Variants in CPLANE1 observed in about 807,000 individuals in gnomAD.
The protein encoded by CPLANE1 is ciliogenesis and planar polarity effector 1.
A neutral mutation model predicts 362.5 loss-of-function variants in CPLANE1; 263 were observed. The observed-to-expected ratio is 0.73, with a 90% CI of 0.66 to 0.80. CPLANE1 has a LOEUF of 0.80. Among genes scored for constraint, CPLANE1 ranks in the 30% least tolerant of loss-of-function variants. The pLI is 0.00. For missense variants in CPLANE1, 3,461 were observed against 3,793.4 expected (o/e 0.91, Z 2.30); for synonymous variants, 1,212 against 1,302.6 (o/e 0.93, Z 1.50).
chr5:37,227,849 G>C, intron 9 of CPLANE1, 32 bp from the exon 10 acceptor site: 1 of 1,511,976 alleles, frequency 6.6e-7, no homozygotes, highest in South Asian at 1.3e-5. Context: ...ACAAGAATCA[G>C]TAAGAGAAAG....
chr5:37,180,736 C>T (rs1782453376), intron 27 of CPLANE1, 121 bp downstream of exon 27: 2 of 830,664 alleles, frequency 2.4e-6, no homozygotes, highest in East Asian at 2.6e-5. Context: ...TCACTGCCTG[C>T]TCCTCTACTT....
rs1470084982 is a variant in CPLANE1, at chr5:37,183,385, G to A, written c.4796C>T (p.Thr1599Ile). 5 of 1,613,018 alleles carry A rather than the reference G, an allele frequency of 3.1e-6. No individual in the cohort carries two copies. Among genetic ancestry groups the A allele is most frequent in the African/African-American group, 1.3e-5 (1 of 74,844 alleles). Reference protein sequence around the residue: ...LNSLLFDVHTTLKRHQSKTKS... With the variant: ...LNSLLFDVHTILKRHQSKTKS... ...AGTTTTGCTCTGATGTCGTTTTAAT[G>A]TTGTATGTACATCAAAAAGTAAAGA... is the stretch of plus-strand genomic sequence containing the variant. The change falls in exon 26 of 53, where the codon ACA becomes ATA. Residue 1599 changes from threonine to isoleucine, a missense_variant. Physicochemically the swap from Thr to Ile is moderately conservative, Grantham distance 89. This residue lies in a region of CPLANE1 where 3,380 missense variants were observed against 3,666.1 expected (regional missense o/e 0.92). Coordinates refer to ENST00000651892, the MANE Select transcript of CPLANE1 (RefSeq NM_001384732.1).
intron 41 of CPLANE1, 30 bp from the exon 42 acceptor site, chr5:37,154,023 T>C: frequency 6.4e-7 from 1 of 1,553,514 alleles, no homozygotes; most frequent in Non-Finnish European, 8.7e-7. Context: ...AAAGCAGAAT[T>C]GATTATAATT....
the CPLANE1 span, among the ~76,000 whole-genome samples, chr5:37,097,638 G>A: frequency 6.6e-6 from 1 of 152,202 alleles, no homozygotes; most frequent in Non-Finnish European, 1.5e-5. Context: ...TCTCATCAGA[G>A]TAACAAAGGA....
chr5:37,248,444 TG>T (rs1281469997), intron 1 of CPLANE1, among the ~76,000 whole-genome samples: 1 of 152,142 alleles, frequency 6.6e-6, no homozygotes, highest in Admixed American at 6.6e-5. Flanking sequence ...TAGATGGGCT[TG>T]TTTTTTTGTT....
At chr5:37,159,678 T>C (rs1776321986) in intron 38 of CPLANE1, among the ~76,000 whole-genome samples, 1 of 152,178 alleles carries the variant, frequency 6.6e-6, no homozygotes, top group South Asian at 2.1e-4. Flanking sequence ...ATTGAGTACT[T>C]GTTACCAAAG....
the CPLANE1 span, chr5:37,084,931 A>G: frequency 4.0e-6 from 2 of 494,502 alleles, no homozygotes; most frequent in Non-Finnish European, 3.6e-6. Flanking sequence ...TTTCATGCAA[A>G]TGGACACCAA....
At chr5:37,192,479 T>C (rs957818009) in intron 21 of CPLANE1, among the ~76,000 whole-genome samples, 1 of 152,206 alleles carries the variant, frequency 6.6e-6, no homozygotes, top group Non-Finnish European at 1.5e-5. Context: ...TCTTAGGACG[T>C]AGCCCCATCA....
chr5:37,123,590 G>C (rs1419814412), intron 47 of CPLANE1, among the ~76,000 whole-genome samples: 1 of 152,212 alleles, frequency 6.6e-6, no homozygotes, highest in Non-Finnish European at 1.5e-5. Flanking sequence ...GCCCAGGCAG[G>C]AGTGCAGGGG....
chr5:37,121,544 C>A, intron 49 of CPLANE1, 73 bp downstream of exon 49: 1 of 1,398,702 alleles, frequency 7.1e-7, no homozygotes, highest in South Asian at 1.2e-5. Context: ...GAACTTAGGT[C>A]ACGAAAGTGC....
Position 37,201,754 on chromosome 5 carries a change from A to G in CPLANE1, c.3344T>C (p.Leu1115Pro). The change falls in exon 19 of 53, where the codon CTG becomes CCG. Residue 1115 changes from leucine (L) to proline (P), a missense_variant. Transcript: ENST00000651892. Reference sequence around the variant, plus strand: ...TGCATCGGCCATAACTGATGCTTTCAGTACTTCTTGTACTGAACCAAATAG... The same window carrying G: ...TGCATCGGCCATAACTGATGCTTTCGGTACTTCTTGTACTGAACCAAATAG... ...NLLFGSVQEV[L>P]KASVMADADI... 1 of 1,614,156 alleles carries G rather than the reference A, an allele frequency of 6.2e-7. No individual in the cohort carries two copies. Among genetic ancestry groups the G allele is most frequent in the South Asian group, 1.1e-5 (1 of 91,086 alleles).
rs777476825 is a variant in CPLANE1 at position 37,175,951 on chromosome 5, G to A, written c.5936C>T (p.Thr1979Ile). The change falls in exon 31 of 53, where the codon ACT becomes ATT. Residue 1979 changes from threonine to isoleucine, a missense_variant. By Grantham distance (89) the Thr-to-Ile change is moderately conservative. This residue lies in a region of CPLANE1 where 3,380 missense variants were observed against 3,666.1 expected (regional missense o/e 0.92). Coordinates refer to ENST00000651892, the MANE Select transcript of CPLANE1 (RefSeq NM_001384732.1). ...CGTATCTACTTGCATTGATTGAGGA[G>A]TGGTATGCCCAGGATGTGAAAAGGC... ...IEAFSHPGHT[T>I]PQSMQVDTSS... 1.1e-5 allele frequency: 18 copies of A among 1,613,484 alleles called. No homozygotes were observed. The highest frequency in any genetic ancestry group is 2.2e-5 in the South Asian group (2 of 91,038).
At chr5:37,189,739 C>T (rs1784968885) in intron 21 of CPLANE1, among the ~76,000 whole-genome samples, 1 of 152,164 alleles carries the variant, frequency 6.6e-6, no homozygotes, top group Non-Finnish European at 1.5e-5. Context: ...TGGCTCATGC[C>T]TGTAATCCCA....
rs1029779545 is a variant in CPLANE1, at chr5:37,239,776, T to C, written c.771A>G (p.Leu257=). 6.5e-7 allele frequency: 1 copy of C among 1,546,614 alleles called. No individual in the cohort carries two copies. Among genetic ancestry groups the C allele is most frequent in the Non-Finnish European group, 8.7e-7 (1 of 1,144,320 alleles). The change falls in exon 7 of 53, where the codon CTA becomes CTG. Residue 257 remains leucine, a synonymous_variant. Transcript: ENST00000651892. ...GGCCATCTCTTGAAAAGGCAGAAATTAGAGCTCCTCTTGACTTTACTGATT... is the reference window on the plus strand; with the variant it reads ...GGCCATCTCTTGAAAAGGCAGAAATCAGAGCTCCTCTTGACTTTACTGATT... ...KCESVKSRGA[L]ISAFSRDGLT... is the part of the protein sequence containing the mutation.
chr5:37,078,224 G>A, the CPLANE1 span, among the ~76,000 whole-genome samples: 1 of 152,010 alleles, frequency 6.6e-6, no homozygotes, highest in Non-Finnish European at 1.5e-5. Flanking sequence ...AGGCCCCAGT[G>A]GCGTGTTGTT....
In CPLANE1 at chr5:37,173,943, GT is replaced by G; in HGVS notation, c.5982del (p.Gln1995ArgfsTer15). The G allele has an allele frequency of 6.2e-7, 1 of 1,611,918 alleles. No individual in the cohort carries two copies. The highest frequency in any genetic ancestry group is 1.1e-5 in the South Asian group (1 of 90,888). On this transcript the variant is annotated frameshift_variant, in exon 32 of 53. Coordinates refer to ENST00000651892, the MANE Select transcript of CPLANE1 (RefSeq NM_001384732.1). LOFTEE classifies it high-confidence loss of function. ...GATTTTTCTTTATATGTAGAAATCTGTGCACTGCGTGGAAAGCATTTAAATA... is the reference window on the plus strand; with the variant it reads ...GATTTTTCTTTATATGTAGAAATCTGGCACTGCGTGGAAAGCATTTAAATA... ...QVDTSSEISS[A>X]QISTYKEKSS...
At chr5:37,179,296 A>T in intron 29 of CPLANE1, 65 bp downstream of exon 29, 1 of 1,014,860 alleles carries the variant, frequency 9.9e-7, no homozygotes, top group South Asian at 1.4e-5. Context: ...GAATAAAAAC[A>T]TGTATAATTT....
rs2150360417 is a variant in CPLANE1, at chr5:37,221,321, T to A, written c.2746+3A>T. ...ATACAAAGAAAGAAAAAAAAAAGCA[T>A]ACCTGAAAAATCTTTATTTTCTTTT... On this transcript the variant is annotated splice_donor_region_variant and intron_variant, in intron 15 of 52. Transcript: ENST00000651892. The A allele has an allele frequency of 6.7e-7, 1 of 1,485,884 alleles. No individual in the cohort carries two copies. The highest frequency in any genetic ancestry group is 1.4e-5 in the African/African-American group (1 of 69,370). 92.0% of individuals were successfully genotyped at this position (1,485,884 alleles called of 1,614,324 possible).
At position 37,129,276 on chromosome 5, in the gene CPLANE1, A is replaced by G. The variant is rs373050115; in HGVS notation, c.8793-3867T>C. ...AACTCAAGATGTATCAAGGATTTAA[A>G]TCTAAGACCTGAAACCATAAAAATT... On this transcript the variant is annotated intron_variant, in intron 46 of 52. Transcript: ENST00000651892. 9.2e-5 allele frequency among the ~76,000 whole-genome samples: 14 copies of G among 152,216 alleles called. No individual in the cohort carries two copies. The East Asian group carries it at 1.7e-3, about 19-fold the overall frequency.
Sources: gnomAD v4.1 joint callset for allele counts (sites outside exome capture counted in the v4.1 genomes callset) on GRCh38, gnomAD v4.1.1 for gene constraint, gnomAD v4.1.1 regional missense constraint, MANE v1.5 for transcripts, NCBI Gene and HGNC (gene_info 2026-07-23, HGNC 2026-07-21) for gene names.